VAV3: variants seen among roughly 807,000 people sequenced by gnomAD.
The protein encoded by VAV3 is vav guanine nucleotide exchange factor 3, also known as guanine nucleotide exchange factor VAV3.
VAV3 carries 94 observed loss-of-function variants against 131.2 expected under a neutral mutation model. The ratio of observed to expected loss-of-function variants is 0.72; its 90% confidence interval spans 0.61 to 0.85. The LOEUF is 0.85. Ranked by LOEUF, VAV3 falls within the 40% of genes least tolerant of loss-of-function variation. The pLI is 0.00. For synonymous variants in VAV3, 349 were observed against 342.0 expected (o/e 1.02, Z -0.22); for missense variants, 939 against 1,002.7 (o/e 0.94, Z 0.86).
At chr1:107,716,089 T>A (rs1279872434) in intron 15 of VAV3, among the ~76,000 whole-genome samples, 1 of 152,190 alleles carries the variant, frequency 6.6e-6, no homozygotes, top group Non-Finnish European at 1.5e-5. Context: ...GGTGTTTAAA[T>A]CAACATTCCA....
chr1:107,692,628 G>A (rs943797645), intron 17 of VAV3, among the ~76,000 whole-genome samples: 1 of 152,058 alleles, frequency 6.6e-6, no homozygotes. Flanking sequence ...AAAGGAGCCC[G>A]GTTCAGATAC....
chr1:107,793,805 G>A (rs1666414315), intron 2 of VAV3, among the ~76,000 whole-genome samples: 1 of 152,194 alleles, frequency 6.6e-6, no homozygotes, highest in Non-Finnish European at 1.5e-5. Context: ...ATCAGAGAAA[G>A]AAGCCTAAAC....
chr1:107,656,943 CTTTTTTTTTTTTTTTT>C (rs57081639), intron 19 of VAV3, among the ~76,000 whole-genome samples: 1 of 67,742 alleles, frequency 1.5e-5, no homozygotes, highest in South Asian at 6.3e-4. Flanking sequence ...CAAGACAATC[CTTTTTTTTTTTTTTTT>C]TTTTTTTTTT....
chr1:107,578,731 C>T (rs1264537115), intron 25 of VAV3: 1 of 983,334 alleles, frequency 1.0e-6, no homozygotes, highest in African/African-American at 1.7e-5. Flanking sequence ...GCCTCAGCCT[C>T]CCGAGTAGCT....
intron 1 of VAV3, among the ~76,000 whole-genome samples, chr1:107,887,756 C>A (rs918516950): frequency 6.6e-6 from 1 of 152,042 alleles, no homozygotes; most frequent in Non-Finnish European, 1.5e-5. Flanking sequence ...CCAACACAAC[C>A]CCCTGCTCAG....
At chr1:107,589,290 T>A (rs1650752605) in intron 25 of VAV3, among the ~76,000 whole-genome samples, 1 of 152,178 alleles carries the variant, frequency 6.6e-6, no homozygotes, top group South Asian at 2.1e-4. Context: ...CAGTTAAGGA[T>A]CTCATAATGA....
At chr1:107,869,443 C>T (rs1670154321) in intron 2 of VAV3, among the ~76,000 whole-genome samples, 3 of 152,180 alleles carry the variant, frequency 2.0e-5, no homozygotes, top group Non-Finnish European at 4.4e-5. Context: ...ATAACATTAA[C>T]AATAAGAGTA....
intron 1 of VAV3, among the ~76,000 whole-genome samples, chr1:107,935,391 C>G (rs1273116864): frequency 6.6e-6 from 1 of 152,084 alleles, no homozygotes; most frequent in East Asian, 1.9e-4. Flanking sequence ...ATATAATTCT[C>G]CAGGAAGAAA....
intron 25 of VAV3, among the ~76,000 whole-genome samples, chr1:107,589,913 A>G (rs1159649050): frequency 6.6e-6 from 1 of 152,230 alleles, no homozygotes; most frequent in Non-Finnish European, 1.5e-5. Context: ...AGGAATTATC[A>G]GGAATAAGAA....
chr1:107,576,277 C>T (rs978606113), intron 25 of VAV3: 11 of 830,876 alleles, frequency 1.3e-5, no homozygotes, highest in South Asian at 9.0e-5. Context: ...TAATGGAACT[C>T]GAGGGATTGT....
intron 18 of VAV3, chr1:107,686,034 T>TGGGGGGGGGG (rs554715740): frequency 4.5e-3 from 376 of 83,606 alleles, no homozygotes; most frequent in African/African-American, 7.4e-3. Flanking sequence ...GTTGGGGGGG[T>TGGGGGGGGGG]GGGGGGGGAG....
chr1:107,784,641 A>G (rs1665886076), intron 2 of VAV3, among the ~76,000 whole-genome samples: 3 of 152,240 alleles, frequency 2.0e-5, no homozygotes, highest in African/African-American at 7.2e-5. Flanking sequence ...TGGTCTTTCA[A>G]TCTGACAACG....
chr1:107,896,587 ACCT>A (rs898098439), intron 1 of VAV3, among the ~76,000 whole-genome samples: 8 of 152,056 alleles, frequency 5.3e-5, no homozygotes, highest in African/African-American at 1.9e-4. Context: ...CAAACACAAA[ACCT>A]CCTGCCACAA....
chr1:107,729,952 T>G (rs962880217), intron 15 of VAV3, among the ~76,000 whole-genome samples: 4 of 152,162 alleles, frequency 2.6e-5, no homozygotes, highest in African/African-American at 9.7e-5. Context: ...TTTGTACAGA[T>G]AGTGATGTTA....
rs192289165 is a variant in VAV3, at chr1:107,801,016, G to A, written c.322-21524C>T. On this transcript the variant is annotated intron_variant, in intron 2 of 26. Coordinates refer to ENST00000370056, the MANE Select transcript of VAV3 (RefSeq NM_006113.5). Reference sequence around the variant, plus strand: ...GTATATGATGAGAGATAGGGGTTTCGTTTCATTCTTCTACATATGGTTATC... The same window carrying A: ...GTATATGATGAGAGATAGGGGTTTCATTTCATTCTTCTACATATGGTTATC... 3.2e-3 allele frequency among the ~76,000 whole-genome samples: 493 copies of A among 152,184 alleles called. 5 individuals carry two copies. The highest frequency in any genetic ancestry group is 0.011 in the African/African-American group (461 of 41,542).
At chr1:107,958,279 C>A (rs919883031) in intron 1 of VAV3, among the ~76,000 whole-genome samples, 1 of 152,184 alleles carries the variant, frequency 6.6e-6, no homozygotes, top group Non-Finnish European at 1.5e-5. Context: ...ACCCAAAAAT[C>A]TGTAAGTCAC....
Position 107,718,093 on chromosome 1 carries a change from C to A in VAV3, c.1503-13032G>T, listed in dbSNP as rs572133628. On this transcript the variant is annotated intron_variant, in intron 15 of 26. Transcript: ENST00000370056. ...GAGGTATTTATGACAAACCCACAGC[C>A]AATATCATACTGAATGGGAAAAAAC... Among the ~76,000 whole-genome samples, 3 of 152,212 alleles carry A rather than the reference C, an allele frequency of 2.0e-5. No individual in the cohort carries two copies. The East Asian group carries it at 5.8e-4, about 29-fold the overall frequency.
chr1:107,947,586 T>C (rs1034169404), intron 1 of VAV3, among the ~76,000 whole-genome samples: 1 of 152,146 alleles, frequency 6.6e-6, no homozygotes, highest in African/African-American at 2.4e-5. Context: ...CCCCACTCCA[T>C]AAGAAAGAAA....
rs1402374703 is a variant in VAV3 at position 107,585,257 on chromosome 1, C to T, written c.2350+10955G>A. Among the ~76,000 whole-genome samples, 3 of 152,276 alleles carry T rather than the reference C, an allele frequency of 2.0e-5. No individual in the cohort carries two copies. In the South Asian group the frequency reaches 6.2e-4, roughly 32 times the overall value. Reference sequence around the variant, plus strand: ...CACCCTCAAAATATAAATATAGTCACCTATATGGCTACGTGCTGTTCCAGG... The same window carrying T: ...CACCCTCAAAATATAAATATAGTCATCTATATGGCTACGTGCTGTTCCAGG... On this transcript the variant is annotated intron_variant, in intron 25 of 26. Transcript: ENST00000370056.
Sources: allele counts gnomAD v4.1 joint callset (sites outside exome capture counted in the v4.1 genomes callset), GRCh38; gene constraint gnomAD v4.1.1; transcripts MANE v1.5; gene names NCBI Gene and HGNC (gene_info 2026-07-23, HGNC 2026-07-21).